Variants in ANXA8 observed in about 807,000 individuals in gnomAD.
The protein encoded by ANXA8 is annexin A8, also known as VAC-beta.
A neutral mutation model predicts 26.8 loss-of-function variants in ANXA8; 9 were observed. That is an observed-to-expected ratio of 0.34 (90% CI 0.20 to 0.59). ANXA8 has a LOEUF of 0.59. Among genes scored for constraint, ANXA8 ranks in the 20% least tolerant of loss-of-function variants. The pLI is 0.84. For synonymous variants in ANXA8, 39 were observed against 94.8 expected, an observed-to-expected ratio of 0.41 and a Z score of 3.42; for missense variants, 83 against 238.5, an observed-to-expected ratio of 0.35 and a Z score of 4.29.
At chr10:47,679,831 T>A in the ANXA8 span, among the ~76,000 whole-genome samples, 1 of 151,772 alleles carries the variant, frequency 6.6e-6, no homozygotes, top group Non-Finnish European at 1.5e-5. Flanking sequence ...GGTGGGAGGA[T>A]TGCTTGAGCT....
At chr10:47,530,525 T>TAA in the ANXA8 span, among the ~76,000 whole-genome samples, 26 of 140,834 alleles carry the variant, frequency 1.8e-4, no homozygotes, top group South Asian at 9.0e-4. Context: ...TCGTCTCCAC[T>TAA]AAAAAAAAAT....
chr10:47,898,991 G>T, the ANXA8 span, among the ~76,000 whole-genome samples: 3 of 149,546 alleles, frequency 2.0e-5, no homozygotes, highest in Non-Finnish European at 4.5e-5. Flanking sequence ...GAACCACAAT[G>T]ATCAGCTAAT....
chr10:47,715,420 T>C, the ANXA8 span, among the ~76,000 whole-genome samples: 1 of 122,516 alleles, frequency 8.2e-6, no homozygotes, highest in Non-Finnish European at 1.7e-5. Flanking sequence ...CTCTCCAGCC[T>C]GGGCAACAGA....
chr10:47,589,996 C>G, the ANXA8 span: 6 of 145,964 alleles, frequency 4.1e-5, 1 homozygote, highest in African/African-American at 1.7e-4. Context: ...GGCTCAGGAT[C>G]TGGATCCTGG....
chr10:47,639,326 T>A, the ANXA8 span, among the ~76,000 whole-genome samples: 13,893 of 81,428 alleles, frequency 0.17, 110 homozygotes, highest in African/African-American at 0.22. Flanking sequence ...TTTTTTTTTT[T>A]TTTTGAGACG....
At chr10:47,653,321 AAAAC>A in the ANXA8 span, among the ~76,000 whole-genome samples, 1 of 150,148 alleles carries the variant, frequency 6.7e-6, no homozygotes. Flanking sequence ...CAAAAAAACA[AAAAC>A]AAACAAACAA....
chr10:47,582,341 G>C, the ANXA8 span: 1 of 155,586 alleles, frequency 6.4e-6, no homozygotes, highest in African/African-American at 2.7e-5. Context: ...ATCTAGGAAG[G>C]GAAAAGAAAT....
the ANXA8 span, among the ~76,000 whole-genome samples, chr10:47,699,505 A>G: frequency 5.3e-5 from 8 of 151,596 alleles, no homozygotes; most frequent in African/African-American, 1.9e-4. Context: ...TAATTCAATG[A>G]TATAACAGGA....
the ANXA8 span, among the ~76,000 whole-genome samples, chr10:47,580,780 AC>A: frequency 2.0e-5 from 3 of 149,196 alleles, no homozygotes; most frequent in Non-Finnish European, 3.0e-5. Flanking sequence ...AACAAAACAA[AC>A]AAAAAAAAAC....
chr10:47,980,879 G>GT, the ANXA8 span, among the ~76,000 whole-genome samples: 1 of 151,268 alleles, frequency 6.6e-6, no homozygotes, highest in African/African-American at 2.4e-5. Flanking sequence ...TCGCTGATTA[G>GT]TTTTCCCAAA....
chr10:47,665,838 G>A, the ANXA8 span, among the ~76,000 whole-genome samples: 22 of 151,806 alleles, frequency 1.4e-4, no homozygotes, highest in Middle Eastern at 3.4e-3. Flanking sequence ...TTGAGGAAAC[G>A]TTTCACAAGT....
At chr10:47,557,003 C>CTTTTTTTTTTT in the ANXA8 span, among the ~76,000 whole-genome samples, 1 of 113,434 alleles carries the variant, frequency 8.8e-6, no homozygotes, top group African/African-American at 3.4e-5. Context: ...TATTTTCTTT[C>CTTTTTTTTTTT]TTTTTTTTTT....
At chr10:47,481,501 C>T (rs1332716628) in intron 1 of ANXA8, among the ~76,000 whole-genome samples, 15 of 141,262 alleles carry the variant, frequency 1.1e-4, no homozygotes, top group Non-Finnish European at 3.1e-5. Flanking sequence ...GAACGCAGGT[C>T]ATCTGGGAAT....
the ANXA8 span, among the ~76,000 whole-genome samples, chr10:47,560,914 G>A: frequency 6.6e-6 from 1 of 151,602 alleles, no homozygotes; most frequent in Non-Finnish European, 1.5e-5. Flanking sequence ...GGGCTCAAGC[G>A]ATTCTCCTGC....
At chr10:47,670,758 G>GAC in the ANXA8 span, among the ~76,000 whole-genome samples, 1 of 151,398 alleles carries the variant, frequency 6.6e-6, no homozygotes, top group Non-Finnish European at 1.5e-5. Flanking sequence ...CTGGGTACTA[G>GAC]ACATGATTTT....
At chr10:47,650,382 T>C in the ANXA8 span, among the ~76,000 whole-genome samples, 1 of 143,346 alleles carries the variant, frequency 7.0e-6, no homozygotes, top group Non-Finnish European at 1.5e-5. Flanking sequence ...AGGACATCAT[T>C]AAGAAAGTGA....
the ANXA8 span, among the ~76,000 whole-genome samples, chr10:47,510,939 T>TTA: frequency 8.1e-3 from 928 of 113,894 alleles, 14 homozygotes; most frequent in Admixed American, 0.011. Flanking sequence ...TTAATTAATT[T>TTA]ATTTATTTAT....
the ANXA8 span, among the ~76,000 whole-genome samples, chr10:47,559,107 C>G: frequency 3.6e-4 from 54 of 148,316 alleles, 1 homozygote; most frequent in African/African-American, 1.0e-3. Context: ...TTTTCCCAAT[C>G]CATTAAGTAG....
chr10:47,511,766 ATC>A, the ANXA8 span, among the ~76,000 whole-genome samples: 1 of 44,468 alleles, frequency 2.2e-5, no homozygotes, highest in African/African-American at 8.3e-5. Flanking sequence ...ACCCTCTTGG[ATC>A]TCTTTGTCGG....
Sources: allele counts gnomAD v4.1 joint callset (sites outside exome capture counted in the v4.1 genomes callset), GRCh38; gene constraint gnomAD v4.1.1; transcripts MANE v1.5; gene names NCBI Gene and HGNC (gene_info 2026-07-23, HGNC 2026-07-21).